The following CNTNAP2 variants were observed in gnomAD, a reference collection of about 807,000 sequenced individuals.
CNTNAP2 encodes the protein contactin-associated protein-like 2.
Under a neutral mutation model 155.2 loss-of-function variants are expected in CNTNAP2, and 98 were observed. That is an observed-to-expected ratio of 0.63 (90% CI 0.54 to 0.75). The LOEUF (loss-of-function observed/expected upper bound fraction) is 0.75, where lower values mean the gene tolerates loss of function less well. Ranked by LOEUF, CNTNAP2 falls within the 30% of genes least tolerant of loss-of-function variation. CNTNAP2 has a pLI of 0.00. For synonymous variants in CNTNAP2, 651 were observed against 631.2 expected, an observed-to-expected ratio of 1.03 and a Z score of -0.47; for missense variants, 1,727 against 1,688.1, an observed-to-expected ratio of 1.02 and a Z score of -0.40.
chr7:147,705,814 G>T (rs1796305260), intron 13 of CNTNAP2, among the ~76,000 whole-genome samples: 1 of 151,900 alleles, frequency 6.6e-6, no homozygotes, highest in Non-Finnish European at 1.5e-5. Context: ...GATCTTTCTT[G>T]CTTCTGTTTA....
At chr7:146,352,836 G>A (rs913380532) in intron 1 of CNTNAP2, among the ~76,000 whole-genome samples, 1 of 135,106 alleles carries the variant, frequency 7.4e-6, no homozygotes, top group Non-Finnish European at 1.5e-5. Flanking sequence ...CTCACTGCAA[G>A]CTCCGCCTCC....
At chr7:148,383,550 C>A in intron 21 of CNTNAP2, 99 bp from the exon 22 acceptor site, 1 of 1,550,758 alleles carries the variant, frequency 6.4e-7, no homozygotes, top group Non-Finnish European at 8.9e-7. Context: ...AAACTGAAAC[C>A]TAAATGTAAG....
chr7:146,210,213 C>T (rs570945874), intron 1 of CNTNAP2, among the ~76,000 whole-genome samples: 1 of 152,196 alleles, frequency 6.6e-6, no homozygotes, highest in South Asian at 2.1e-4. Flanking sequence ...CATTCTGCAG[C>T]CTTTGTTTGG....
chr7:147,271,246 A>T (rs949387145), intron 8 of CNTNAP2, among the ~76,000 whole-genome samples: 1 of 152,068 alleles, frequency 6.6e-6, no homozygotes, highest in African/African-American at 2.4e-5. Context: ...AGCAGCAGGA[A>T]TAAGTGTAGT....
At chr7:148,358,158 G>A (rs1369143711) in intron 21 of CNTNAP2, among the ~76,000 whole-genome samples, 4 of 152,196 alleles carry the variant, frequency 2.6e-5, no homozygotes, top group Non-Finnish European at 5.9e-5. Context: ...CTGAGGGAGT[G>A]TCTGAGGGAA....
intron 8 of CNTNAP2, chr7:147,167,316 T>C (rs1802133973): frequency 2.1e-6 from 1 of 474,270 alleles, no homozygotes; most frequent in Non-Finnish European, 3.6e-6. Context: ...CTTGACAAGA[T>C]GGTGCTATTA....
chr7:146,369,588 C>T (rs1192471763), intron 1 of CNTNAP2, among the ~76,000 whole-genome samples: 1 of 152,052 alleles, frequency 6.6e-6, no homozygotes, highest in African/African-American at 2.4e-5. Context: ...CTTTTGATTT[C>T]TATCCATCTG....
intron 8 of CNTNAP2, among the ~76,000 whole-genome samples, chr7:147,240,347 A>G (rs147438606): frequency 6.6e-6 from 1 of 152,222 alleles, no homozygotes; most frequent in Non-Finnish European, 1.5e-5. Flanking sequence ...AATGCATAGT[A>G]TTTATTTTAT....
chr7:146,940,361 T>A (rs1797025644), intron 3 of CNTNAP2, among the ~76,000 whole-genome samples: 1 of 151,938 alleles, frequency 6.6e-6, no homozygotes, highest in African/African-American at 2.4e-5. Context: ...CACGTCCAGC[T>A]AATTTTTTGT....
intron 1 of CNTNAP2, among the ~76,000 whole-genome samples, chr7:146,718,505 C>A (rs1308026833): frequency 6.6e-6 from 1 of 151,938 alleles, no homozygotes; most frequent in African/African-American, 2.4e-5. Context: ...TTCCTTAAAC[C>A]TTTTCTGTTT....
intron 21 of CNTNAP2, among the ~76,000 whole-genome samples, chr7:148,339,257 G>C (rs1193232604): frequency 7.1e-6 from 1 of 140,912 alleles, no homozygotes; most frequent in African/African-American, 2.6e-5. Flanking sequence ...CCCAAACATC[G>C]AAAAAAAAAA....
At chr7:148,051,435 C>T (rs1802887410) in intron 15 of CNTNAP2, among the ~76,000 whole-genome samples, 1 of 150,622 alleles carries the variant, frequency 6.6e-6, no homozygotes, top group African/African-American at 2.4e-5. Flanking sequence ...TTTAAGATTG[C>T]TATTGAAATG....
At chr7:147,849,410 C>T (rs1798882016) in intron 13 of CNTNAP2, among the ~76,000 whole-genome samples, 1 of 152,146 alleles carries the variant, frequency 6.6e-6, no homozygotes, top group African/African-American at 2.4e-5. Context: ...TGTTTCACTA[C>T]AACTATTCTT....
chr7:146,304,826 A>C (rs1340600213), intron 1 of CNTNAP2, among the ~76,000 whole-genome samples: 2 of 151,930 alleles, frequency 1.3e-5, no homozygotes, highest in Non-Finnish European at 2.9e-5. Flanking sequence ...CTGCCTTGCT[A>C]TTTTGGGGAA....
At chr7:146,965,754 A>C (rs566090275) in intron 3 of CNTNAP2, among the ~76,000 whole-genome samples, 4 of 152,298 alleles carry the variant, frequency 2.6e-5, no homozygotes, top group East Asian at 3.9e-4. Context: ...TGCTTGACTA[A>C]ACTTTATTCA....
intron 9 of CNTNAP2, among the ~76,000 whole-genome samples, chr7:147,369,991 G>A (rs774464046): frequency 2.0e-5 from 3 of 152,136 alleles, no homozygotes; most frequent in Non-Finnish European, 4.4e-5. Context: ...GTGGCTTCCT[G>A]TTCCAGCCCT....
intron 12 of CNTNAP2, among the ~76,000 whole-genome samples, chr7:147,620,434 G>C (rs1801371184): frequency 6.6e-6 from 1 of 151,824 alleles, no homozygotes; most frequent in Non-Finnish European, 1.5e-5. Flanking sequence ...TTAAGATAAA[G>C]CGGAGAAGGT....
At chr7:146,474,569 A>G (rs1198752075) in intron 1 of CNTNAP2, among the ~76,000 whole-genome samples, 1 of 151,972 alleles carries the variant, frequency 6.6e-6, no homozygotes, top group African/African-American at 2.4e-5. Context: ...GTTATATACA[A>G]TACTCTGTTA....
chr7:147,482,232 G>A (rs1451055107), intron 10 of CNTNAP2, among the ~76,000 whole-genome samples: 1 of 152,084 alleles, frequency 6.6e-6, no homozygotes, highest in Non-Finnish European at 1.5e-5. Context: ...AAATACAGAA[G>A]AAATAATAGG....
Sources: gnomAD v4.1 joint callset for allele counts (sites outside exome capture counted in the v4.1 genomes callset) on GRCh38, gnomAD v4.1.1 for gene constraint, MANE v1.5 for transcripts, NCBI Gene and HGNC (gene_info 2026-07-23, HGNC 2026-07-21) for gene names.